The following ARHGAP12 variants were observed in gnomAD, a reference collection of about 807,000 sequenced individuals.
The protein encoded by ARHGAP12 is Rho GTPase activating protein 12.
In ARHGAP12, 64 loss-of-function variants were observed where a neutral mutation model predicts 108.6. The ratio of observed to expected loss-of-function variants is 0.59; its 90% CI spans 0.48 to 0.73. The LOEUF is 0.73. Among genes scored for constraint, ARHGAP12 ranks in the 30% least tolerant of loss-of-function variants. ARHGAP12 has a pLI of 0.00. For missense variants in ARHGAP12, 940 were observed against 1,005.9 expected (o/e 0.93, Z 0.89); for synonymous variants, 312 against 337.2 (o/e 0.93, Z 0.82).
At chr10:31,870,826 G>A (rs1837513169) in intron 3 of ARHGAP12, among the ~76,000 whole-genome samples, 1 of 152,140 alleles carries the variant, frequency 6.6e-6, no homozygotes, top group Non-Finnish European at 1.5e-5. Flanking sequence ...AAATTCTAAT[G>A]TTCCTGTCTA....
At chr10:31,823,264 A>T (rs1835480891) in intron 11 of ARHGAP12, among the ~76,000 whole-genome samples, 1 of 152,140 alleles carries the variant, frequency 6.6e-6, no homozygotes. Context: ...CTGAAGTGAG[A>T]AAAAAACAAA....
intron 3 of ARHGAP12, among the ~76,000 whole-genome samples, chr10:31,898,881 A>G (rs1204999308): frequency 6.6e-6 from 1 of 152,218 alleles, no homozygotes; most frequent in Non-Finnish European, 1.5e-5. Flanking sequence ...AAACACGTCC[A>G]CAGATGTTTA....
Position 31,854,113 on chromosome 10 carries a change from C to T in ARHGAP12, c.1042G>A (p.Asp348Asn), listed in dbSNP as rs1164315982. 1 of 1,613,760 alleles carries T rather than the reference C, an allele frequency of 6.2e-7. No individual in the cohort carries two copies. The highest frequency in any genetic ancestry group is 8.5e-7 in the Non-Finnish European group (1 of 1,179,912). ...SPPRGWSEEL[D>N]ERGHTLYTSD... ...GTATATAAGGTATGCCCACGTTCATCCAACTCTTCTGACCAACCCCTTGGA... is the reference window on the plus strand; with the variant it reads ...GTATATAAGGTATGCCCACGTTCATTCAACTCTTCTGACCAACCCCTTGGA... The change falls in exon 5 of 20, where the codon GAT becomes AAT. Residue 348 changes from aspartate to asparagine, a missense_variant. Coordinates refer to ENST00000344936, the MANE Select transcript of ARHGAP12 (RefSeq NM_018287.7).
At chr10:31,824,002 G>A (rs1835508134) in intron 11 of ARHGAP12, among the ~76,000 whole-genome samples, 1 of 152,092 alleles carries the variant, frequency 6.6e-6, no homozygotes, top group Non-Finnish European at 1.5e-5. Context: ...CAATTCCAGA[G>A]TTAAAGAGCA....
intron 3 of ARHGAP12, 118 bp from the exon 4 acceptor site, chr10:31,861,776 G>T: frequency 1.1e-6 from 1 of 874,658 alleles, no homozygotes; most frequent in Non-Finnish European, 1.7e-6. Context: ...ATATACAGGT[G>T]AATATATTCT....
intron 3 of ARHGAP12, among the ~76,000 whole-genome samples, chr10:31,878,803 A>T (rs1837831202): frequency 6.6e-6 from 1 of 152,220 alleles, no homozygotes; most frequent in Admixed American, 6.5e-5. Flanking sequence ...TGGGCTCTTT[A>T]CAGAAAATGT....
intron 3 of ARHGAP12, among the ~76,000 whole-genome samples, chr10:31,907,670 A>G (rs180854842): frequency 5.3e-5 from 8 of 151,822 alleles, no homozygotes; most frequent in Non-Finnish European, 2.9e-5. Context: ...AACACAGAAA[A>G]ATTTTTCCAG....
chr10:31,819,480 T>A (rs552727512), intron 12 of ARHGAP12, among the ~76,000 whole-genome samples: 1 of 152,336 alleles, frequency 6.6e-6, no homozygotes, highest in East Asian at 1.9e-4. Context: ...GTCAATAGGC[T>A]GCCTCTCTTC....
rs377121431 is a variant in ARHGAP12, at chr10:31,885,772, T to A, written c.684+22400A>T. 2.1e-5 allele frequency among the ~76,000 whole-genome samples: 3 copies of A among 145,656 alleles called. No homozygotes were observed. The South Asian group carries it at 6.5e-4, about 32-fold the overall frequency. ...AGGCAGAGGTTGCAGTGAGCCAAGATCCCGCTCCTGCACTCCAACCTGGGT... is the reference window on the plus strand; with the variant it reads ...AGGCAGAGGTTGCAGTGAGCCAAGAACCCGCTCCTGCACTCCAACCTGGGT... On this transcript the variant is annotated intron_variant, in intron 3 of 19. Transcript: ENST00000344936.
At position 31,904,627 on chromosome 10, in the gene ARHGAP12, AATTATT is replaced by A. The variant is rs576666929; in HGVS notation, c.684+3539_684+3544del. On this transcript the variant is annotated intron_variant, in intron 3 of 19. Coordinates refer to ENST00000344936, the MANE Select transcript of ARHGAP12 (RefSeq NM_018287.7). ...ATAGAGGGTACAAGAGACCTGTCCA[AATTATT>A]ATTATTATTTTGAGACAGGGTCTCA... 6.0e-4 allele frequency among the ~76,000 whole-genome samples: 91 copies of A among 152,058 alleles called. 2 individuals carry two copies. In the South Asian group the frequency reaches 0.018, roughly 31 times the overall value.
intron 1 of ARHGAP12, among the ~76,000 whole-genome samples, chr10:31,923,056 G>A (rs758047412): frequency 3.3e-5 from 5 of 149,728 alleles, no homozygotes; most frequent in Non-Finnish European, 5.9e-5. Context: ...GTTTGAGCCT[G>A]GGAGTTCGCG....
chr10:31,843,402 G>T lies in ARHGAP12; in HGVS notation c.1296+59C>A, dbSNP rs115529471. The T allele has an allele frequency of 1.9e-3, 2,795 of 1,504,146 alleles. 47 individuals are homozygous for T. The African/African-American group carries it at 0.033, about 18-fold the overall frequency. The allele number at this position is 1,504,146 out of a possible 1,614,324, so 93.2% of individuals were successfully genotyped here. On this transcript the variant is annotated intron_variant, in intron 7 of 19. Transcript: ENST00000344936. Reference sequence around the variant, plus strand: ...AATACATAAAATATTAGTACGAATAGTTACAATTCACTGTACAATATAATG... The same window carrying T: ...AATACATAAAATATTAGTACGAATATTTACAATTCACTGTACAATATAATG...
chr10:31,909,025 G>C, intron 2 of ARHGAP12, 99 bp from the exon 3 acceptor site: 1 of 620,780 alleles, frequency 1.6e-6, no homozygotes, highest in South Asian at 2.7e-5. Flanking sequence ...GCCATTTAAA[G>C]AACATTACTT....
chr10:31,865,476 G>A (rs946563979), intron 3 of ARHGAP12, among the ~76,000 whole-genome samples: 6 of 152,092 alleles, frequency 3.9e-5, no homozygotes, highest in African/African-American at 1.4e-4. Flanking sequence ...GGGCAAACAG[G>A]AGTTACATTT....
chr10:31,816,249 G>A (rs1418038084), intron 13 of ARHGAP12, among the ~76,000 whole-genome samples: 1 of 150,648 alleles, frequency 6.6e-6, no homozygotes, highest in African/African-American at 2.5e-5. Flanking sequence ...CCCTGAGCCT[G>A]TAGGTCTCAA....
intron 3 of ARHGAP12, among the ~76,000 whole-genome samples, chr10:31,896,844 T>C (rs917659913): frequency 2.6e-5 from 4 of 152,182 alleles, no homozygotes; most frequent in African/African-American, 4.8e-5. Context: ...AATTTATTTC[T>C]AGGACCCATT....
intron 3 of ARHGAP12, among the ~76,000 whole-genome samples, chr10:31,876,022 A>G (rs1207116598): frequency 6.6e-6 from 1 of 151,742 alleles, no homozygotes; most frequent in Non-Finnish European, 1.5e-5. Flanking sequence ...GTGTCTGTGT[A>G]TTTATTATTA....
At chr10:31,922,402 AT>A (rs376445093) in intron 1 of ARHGAP12, among the ~76,000 whole-genome samples, 8,632 of 142,160 alleles carry the variant, frequency 0.061, 673 homozygotes, top group African/African-American at 0.19. Context: ...AAGTAGACAA[AT>A]TTTTTTTTTT....
At chr10:31,813,495 A>C (rs1835092136) in intron 14 of ARHGAP12, among the ~76,000 whole-genome samples, 1 of 152,176 alleles carries the variant, frequency 6.6e-6, no homozygotes, top group African/African-American at 2.4e-5. Context: ...AGAATCTATA[A>C]TATAGAATAA....
Sources: gnomAD v4.1 joint callset for allele counts (sites outside exome capture counted in the v4.1 genomes callset) on GRCh38, gnomAD v4.1.1 for gene constraint, MANE v1.5 for transcripts, NCBI Gene and HGNC (gene_info 2026-07-23, HGNC 2026-07-21) for gene names.